ATG4C: variants seen among roughly 807,000 people sequenced by gnomAD.
ATG4C encodes the protein cysteine protease ATG4C.
ATG4C carries 56 observed loss-of-function variants against 57.6 expected under a neutral mutation model. The ratio of observed to expected loss-of-function variants is 0.97; its 90% confidence interval spans 0.78 to 1.21. ATG4C has a LOEUF of 1.21. ATG4C is among the 50% of genes most tolerant of loss of function. The pLI is 0.00. For synonymous variants in ATG4C, 157 were observed against 174.1 expected (o/e 0.90, Z 0.78); for missense variants, 595 against 529.8 (o/e 1.12, Z -1.21).
intron 1 of ATG4C, among the ~76,000 whole-genome samples, chr1:62,798,870 C>T (rs1422639146): frequency 6.6e-6 from 1 of 152,102 alleles, no homozygotes; most frequent in Non-Finnish European, 1.5e-5. Context: ...GTCTCAAACC[C>T]CTGACCTCGT....
chr1:62,849,970 T>G (rs115874402), intron 10 of ATG4C, among the ~76,000 whole-genome samples: 2,089 of 152,304 alleles, frequency 0.014, 67 homozygotes, highest in African/African-American at 0.047. Context: ...ATTTTAAAAA[T>G]TTTTAACACA....
chr1:62,785,563 G>A (rs1664055376), intron 1 of ATG4C, among the ~76,000 whole-genome samples: 1 of 152,194 alleles, frequency 6.6e-6, no homozygotes, highest in Admixed American at 6.5e-5. Context: ...CTGGTGAACA[G>A]CATCGTATTC....
chr1:62,856,682 A>G (rs1384355837), intron 10 of ATG4C, among the ~76,000 whole-genome samples: 1 of 152,190 alleles, frequency 6.6e-6, no homozygotes, highest in African/African-American at 2.4e-5. Context: ...AATGTATAGG[A>G]CTTTGGAGAA....
At chr1:62,850,098 T>C (rs1189934591) in intron 10 of ATG4C, among the ~76,000 whole-genome samples, 1 of 152,112 alleles carries the variant, frequency 6.6e-6, no homozygotes, top group Non-Finnish European at 1.5e-5. Context: ...AATTATAAAA[T>C]AAAGTAAAAT....
intron 2 of ATG4C, among the ~76,000 whole-genome samples, chr1:62,804,082 CTTTTTTCTTTTTTTTTTTTTTT>C (rs1180397137): frequency 7.1e-6 from 1 of 141,078 alleles, no homozygotes; most frequent in Non-Finnish European, 1.6e-5. Context: ...ATGTGGTCTC[CTTTTTTCTTTTTTTTTTTTTTT>C]GAGACTTAGT....
chr1:62,851,947 A>G (rs1666530350), intron 10 of ATG4C, among the ~76,000 whole-genome samples: 1 of 152,226 alleles, frequency 6.6e-6, no homozygotes, highest in Non-Finnish European at 1.5e-5. Flanking sequence ...TCCTACCACC[A>G]CACAGTTCCA....
intron 1 of ATG4C, among the ~76,000 whole-genome samples, chr1:62,797,996 A>G (rs1249335628): frequency 6.6e-6 from 1 of 151,860 alleles, no homozygotes; most frequent in Non-Finnish European, 1.5e-5. Context: ...ATTTTTTTGT[A>G]TTTTTAGTAG....
rs1666942502 is a variant in ATG4C, at chr1:62,864,320, AAG to A, written c.*165_*166del. On this transcript the variant is annotated 3_prime_UTR_variant, in exon 11 of 11. Coordinates refer to ENST00000317868, the MANE Select transcript of ATG4C (RefSeq NM_032852.4). ...ATAACAGTTAAAGATATTTTTCTAAAAGAGAAATGATTTAATGAATCTTGCTT... is the reference window on the plus strand; with the variant it reads ...ATAACAGTTAAAGATATTTTTCTAAAAGAAATGATTTAATGAATCTTGCTT... The A allele has an allele frequency of 1.8e-6, 1 of 570,330 alleles. No homozygotes were observed. Among genetic ancestry groups the A allele is most frequent in the African/African-American group, 2.0e-5 (1 of 50,984 alleles). The allele number at this position is 570,330 out of a possible 1,614,324, so 35.3% of individuals were successfully genotyped here.
At chr1:62,843,028 A>G (rs1420006098) in intron 10 of ATG4C, among the ~76,000 whole-genome samples, 1 of 152,198 alleles carries the variant, frequency 6.6e-6, no homozygotes, top group Non-Finnish European at 1.5e-5. Flanking sequence ...ATTTTCCATT[A>G]AAAAGTCCCA....
At chr1:62,848,894 C>G (rs1339908267) in intron 10 of ATG4C, among the ~76,000 whole-genome samples, 1 of 152,248 alleles carries the variant, frequency 6.6e-6, no homozygotes, top group South Asian at 2.1e-4. Flanking sequence ...TTGATTTTCA[C>G]ATTATATTTT....
At chr1:62,793,826 A>ATAT (rs1664373259) in intron 1 of ATG4C, among the ~76,000 whole-genome samples, 1 of 147,638 alleles carries the variant, frequency 6.8e-6, no homozygotes, top group African/African-American at 2.5e-5. Context: ...AAGACTCTAT[A>ATAT]AGTCTCTATA....
chr1:62,854,056 CATTTTTAGTTGTTATTGAT>C (rs1369066311), intron 10 of ATG4C, among the ~76,000 whole-genome samples: 1 of 151,816 alleles, frequency 6.6e-6, no homozygotes, highest in Non-Finnish European at 1.5e-5. Flanking sequence ...AGGATGCTTA[CATTTTTAGTTGTTATTGAT>C]ATTTTTTCTA....
chr1:62,858,859 TC>T (rs1415530033), intron 10 of ATG4C, among the ~76,000 whole-genome samples: 6 of 152,190 alleles, frequency 3.9e-5, no homozygotes, highest in Non-Finnish European at 8.8e-5. Context: ...ATAGTTAACA[TC>T]ACTTGCACAC....
rs531965411 is a variant in ATG4C at position 62,791,353 on chromosome 1, T to A, written c.-69+7080T>A. 7.2e-5 allele frequency among the ~76,000 whole-genome samples: 11 copies of A among 152,332 alleles called. No homozygotes were observed. In the South Asian group the frequency reaches 2.3e-3, roughly 32 times the overall value. On this transcript the variant is annotated intron_variant, in intron 1 of 10. Coordinates refer to ENST00000317868, the MANE Select transcript of ATG4C (RefSeq NM_032852.4). ...CTAGCTTCAGTAATATGGATGCACC[T>A]TTTTCTTGGCAAGAGTAACTAATAT...
chr1:62,804,089 CTT>C (rs71692941), intron 2 of ATG4C, among the ~76,000 whole-genome samples: 34 of 140,534 alleles, frequency 2.4e-4, no homozygotes, highest in Middle Eastern at 3.6e-3. Flanking sequence ...CTCCTTTTTT[CTT>C]TTTTTTTTTT....
chr1:62,819,404 A>G, intron 5 of ATG4C, 69 bp downstream of exon 5: 1 of 1,271,534 alleles, frequency 7.9e-7, no homozygotes, highest in Non-Finnish European at 1.1e-6. Flanking sequence ...TGATTTTTGC[A>G]ATGTGTATAT....
chr1:62,793,597 G>GAAAAAAAAAAAAAAAAAAAAA (rs746057232), intron 1 of ATG4C, among the ~76,000 whole-genome samples: 8 of 20,518 alleles, frequency 3.9e-4, no homozygotes, highest in South Asian at 2.2e-3. Context: ...ACCTTGTCTC[G>GAAAAAAAAAAAAAAAAAAAAA]AAAAAAAAAA....
In ATG4C at chr1:62,859,596, C is replaced by T. The variant is rs188767151; in HGVS notation, c.1210-4396C>T. Among the ~76,000 whole-genome samples the T allele has an allele frequency of 2.0e-3, 300 of 152,328 alleles. 1 individual carries two copies. Among genetic ancestry groups the T allele is most frequent in the African/African-American group, 6.9e-3 (286 of 41,564 alleles). On this transcript the variant is annotated intron_variant, in intron 10 of 10. Coordinates refer to ENST00000317868, the MANE Select transcript of ATG4C (RefSeq NM_032852.4). ...GTGAATGTGAAGGCCTAGGACACTACTGTACACTACAATAGACTTTATAAA... is the reference window on the plus strand; with the variant it reads ...GTGAATGTGAAGGCCTAGGACACTATTGTACACTACAATAGACTTTATAAA...
intron 3 of ATG4C, among the ~76,000 whole-genome samples, chr1:62,811,484 G>A (rs1031778413): frequency 5.9e-5 from 9 of 151,930 alleles, no homozygotes; most frequent in Non-Finnish European, 1.0e-4. Context: ...ACCGAATACC[G>A]AAAGTAAAAA....
Sources: gnomAD v4.1 joint callset for allele counts (sites outside exome capture counted in the v4.1 genomes callset) on GRCh38, gnomAD v4.1.1 for gene constraint, MANE v1.5 for transcripts, NCBI Gene and HGNC (gene_info 2026-07-23, HGNC 2026-07-21) for gene names.